The following PAH variants were observed in gnomAD, a reference collection of about 807,000 sequenced individuals.
PAH encodes phenylalanine-4-hydroxylase.
In PAH, 64 loss-of-function variants were observed where a neutral mutation model predicts 62.0. The observed-to-expected ratio is 1.03, with a 90% confidence interval of 0.84 to 1.27. The LOEUF is 1.27. Among genes scored for constraint, PAH ranks in the 50% most tolerant of loss-of-function variants. The pLI, the probability that PAH is intolerant of heterozygous loss-of-function variation, is 0.00. For synonymous variants in PAH, 195 were observed against 196.2 expected, an observed-to-expected ratio of 0.99 and a Z score of 0.05; for missense variants, 579 against 542.8, an observed-to-expected ratio of 1.07 and a Z score of -0.66.
chr12:102,916,923 G>C (rs192233219), intron 1 of PAH, 148 bp downstream of exon 1: 2 of 773,148 alleles, frequency 2.6e-6, no homozygotes, highest in East Asian at 2.6e-5. Context: ...ACATTTGTCT[G>C]TTGACTTCCT....
At chr12:102,917,042 A>C in intron 1 of PAH, 29 bp downstream of exon 1, 1 of 1,610,670 alleles carries the variant, frequency 6.2e-7, no homozygotes, top group Non-Finnish European at 8.5e-7. Context: ...AATTCCCCTA[A>C]CTGAGCAGCT....
chr12:102,847,964 C>A (rs1874931507), intron 8 of PAH, among the ~76,000 whole-genome samples: 1 of 152,152 alleles, frequency 6.6e-6, no homozygotes, highest in South Asian at 2.1e-4. Context: ...AGTGAGGGGG[C>A]AGTGGCAGGT....
At chr12:102,879,818 G>A (rs2136682149) in intron 3 of PAH, among the ~76,000 whole-genome samples, 1 of 152,296 alleles carries the variant, frequency 6.6e-6, no homozygotes, top group Non-Finnish European at 1.5e-5. Flanking sequence ...AGGGCTGACT[G>A]TGAAGCCAGA....
At chr12:102,894,469 G>T (rs1251047893) in intron 3 of PAH, among the ~76,000 whole-genome samples, 1 of 148,714 alleles carries the variant, frequency 6.7e-6, no homozygotes, top group East Asian at 1.9e-4. Flanking sequence ...TCTTTAGGAA[G>T]GGGAAAAATA....
At chr12:102,863,676 A>T (rs985122236) in intron 5 of PAH, among the ~76,000 whole-genome samples, 2 of 152,304 alleles carry the variant, frequency 1.3e-5, no homozygotes, top group South Asian at 4.1e-4. Flanking sequence ...CCAATGTCTG[A>T]AAGCAAGGCC....
upstream of PAH, among the ~76,000 whole-genome samples, chr12:102,951,482 G>A (rs1372286864): frequency 6.6e-6 from 1 of 152,202 alleles, no homozygotes; most frequent in Non-Finnish European, 1.5e-5. Context: ...CTCCAAAGAC[G>A]GAAGTTGGAG....
At chr12:102,884,536 G>T (rs61942040) in intron 3 of PAH, among the ~76,000 whole-genome samples, 1 of 152,052 alleles carries the variant, frequency 6.6e-6, no homozygotes, top group East Asian at 1.9e-4. Context: ...TAATTCCTGC[G>T]TCTCTGGCTT....
At chr12:102,955,556 A>T (rs1161725250), upstream of PAH, among the ~76,000 whole-genome samples, 1 of 152,230 alleles carries the variant, frequency 6.6e-6, no homozygotes, top group African/African-American at 2.4e-5. Flanking sequence ...CCAACACTCA[A>T]CTATTTGGCT....
At chr12:102,902,302 T>C (rs768772026) in intron 2 of PAH, among the ~76,000 whole-genome samples, 12 of 152,160 alleles carry the variant, frequency 7.9e-5, no homozygotes, top group Non-Finnish European at 1.2e-4. Flanking sequence ...CAGGAATAGA[T>C]CATGGAAGGC....
intron 3 of PAH, among the ~76,000 whole-genome samples, chr12:102,891,249 C>T (rs773604276): frequency 1.2e-4 from 18 of 152,120 alleles, no homozygotes; most frequent in Non-Finnish European, 2.2e-4. Context: ...GCTGTGAGCT[C>T]CTTAAGAACA....
rs1592949408 is a variant in PAH at position 102,846,908 on chromosome 12, T to C, written c.956A>G (p.Glu319Gly). The C allele has an allele frequency of 1.9e-6, 3 of 1,613,602 alleles. No homozygotes were observed. The highest frequency in any genetic ancestry group is 2.5e-6 in the Non-Finnish European group (3 of 1,179,612). Residue 319 changes from glutamate to glycine, a missense_variant, in exon 9 of 13, where the codon GAA becomes GGA. Physicochemically the swap from Glu to Gly is moderately conservative, Grantham distance 98 (BLOSUM62 -2). Coordinates refer to ENST00000553106, the MANE Select transcript of PAH (RefSeq NM_000277.3). ...ASLGAPDEYIEKLATIYWFTV... is the reference protein window; with the variant it reads ...ASLGAPDEYIGKLATIYWFTV... ...GAAGGGACTTACTGTGGCGAGCTTT[T>C]CAATGTATTCATCAGGTGCACCCAG...
At chr12:102,876,482 C>G (rs567353140) in intron 4 of PAH, among the ~76,000 whole-genome samples, 1 of 152,196 alleles carries the variant, frequency 6.6e-6, no homozygotes, top group African/African-American at 2.4e-5. Flanking sequence ...AGCGCCTTTG[C>G]GAACATTCTT....
intron 3 of PAH, among the ~76,000 whole-genome samples, chr12:102,878,745 CT>C (rs1158063931): frequency 6.6e-6 from 1 of 151,984 alleles, no homozygotes; most frequent in Non-Finnish European, 1.5e-5. Flanking sequence ...TGGATTCACC[CT>C]GGTTGTGTTA....
intron 1 of PAH, among the ~76,000 whole-genome samples, chr12:102,936,718 T>C (rs907445810): frequency 3.3e-5 from 5 of 152,242 alleles, no homozygotes. Flanking sequence ...TCGGTTTCCA[T>C]TGGCATGAAG....
intron 1 of PAH, among the ~76,000 whole-genome samples, chr12:102,929,805 G>A (rs1300847880): frequency 2.0e-5 from 3 of 152,158 alleles, no homozygotes; most frequent in Non-Finnish European, 4.4e-5. Flanking sequence ...AGTCAGTTTA[G>A]ATATGAGCCA....
intron 2 of PAH, among the ~76,000 whole-genome samples, chr12:102,911,320 G>A (rs1006164863): frequency 5.3e-5 from 8 of 152,266 alleles, no homozygotes; most frequent in East Asian, 1.9e-4. Flanking sequence ...GAGACCCCAC[G>A]TTTTCATTTT....
At chr12:102,871,072 C>G (rs1876296542) in intron 4 of PAH, among the ~76,000 whole-genome samples, 1 of 152,226 alleles carries the variant, frequency 6.6e-6, no homozygotes, top group Non-Finnish European at 1.5e-5. Context: ...ACCACCATTT[C>G]TTGCCTGACT....
intron 1 of PAH, chr12:102,916,691 T>C: frequency 3.5e-6 from 1 of 285,072 alleles, no homozygotes; most frequent in South Asian, 3.9e-5. Context: ...AAAAGAAATC[T>C]AGAAGGATTC....
intron 2 of PAH, among the ~76,000 whole-genome samples, chr12:102,910,720 C>A (rs1878171754): frequency 6.6e-6 from 1 of 152,122 alleles, no homozygotes; most frequent in African/African-American, 2.4e-5. Context: ...GACAATGAAG[C>A]ACATGCTGGG....
Sources: allele counts gnomAD v4.1 joint callset (sites outside exome capture counted in the v4.1 genomes callset), GRCh38; gene constraint gnomAD v4.1.1; transcripts MANE v1.5; gene names NCBI Gene and HGNC (gene_info 2026-07-23, HGNC 2026-07-21).